The following MTUS2 variants were observed in gnomAD, a reference collection of about 807,000 sequenced individuals.
MTUS2 encodes microtubule associated scaffold protein 2, also known as microtubule-associated tumor suppressor candidate 2.
MTUS2 carries 40 observed loss-of-function variants against 114.1 expected under a neutral mutation model. The ratio of observed to expected loss-of-function variants is 0.35; its 90% CI spans 0.27 to 0.46. The LOEUF (loss-of-function observed/expected upper bound fraction) is 0.46, where lower values mean the gene tolerates loss of function less well. Ranked by LOEUF, MTUS2 falls within the 20% of genes least tolerant of loss-of-function variation. The probability of loss-of-function intolerance (pLI) is 1.00; values close to 1 mark genes in which losing one functional copy is unlikely to be tolerated. For synonymous variants in MTUS2, 688 were observed against 672.0 expected, an observed-to-expected ratio of 1.02 and a Z score of -0.37; for missense variants, 1,679 against 1,705.4, an observed-to-expected ratio of 0.98 and a Z score of 0.27.
intron 2 of MTUS2, among the ~76,000 whole-genome samples, chr13:28,911,420 C>T (rs1312925612): frequency 7.2e-5 from 11 of 151,796 alleles, no homozygotes; most frequent in African/African-American, 2.2e-4. Context: ...GTGATCCACC[C>T]GCCTCAGCCT....
chr13:29,416,194 G>A (rs138249635), intron 8 of MTUS2, among the ~76,000 whole-genome samples: 1 of 150,902 alleles, frequency 6.6e-6, no homozygotes, highest in East Asian at 2.0e-4. Context: ...CTCCTAAAGT[G>A]CTGTAATTAC....
chr13:29,480,144 G>A lies in MTUS2; in HGVS notation c.3185-6G>A, dbSNP rs925990917. On this transcript the variant is annotated splice_polypyrimidine_tract_variant and splice_region_variant and intron_variant, in intron 9 of 15. Transcript: ENST00000612955. This position sits in a 1 kb window ranked among gnomAD's most constrained non-coding sequence, Gnocchi z 4.4. ...TTTAAAGAAAGATCTTGTGCTTTGC[G>A]CCCAGCCTTCCATACAGCAAAGTGC... is the stretch of plus-strand genomic sequence containing the variant. The A allele has an allele frequency of 3.7e-5, 57 of 1,551,946 alleles. No individual in the cohort carries two copies. Among genetic ancestry groups the A allele is most frequent in the Non-Finnish European group, 4.6e-5 (53 of 1,147,182 alleles).
chr13:29,353,185 T>A, intron 7 of MTUS2, among the ~76,000 whole-genome samples: 1 of 152,028 alleles, frequency 6.6e-6, no homozygotes, highest in African/African-American at 2.4e-5. Context: ...TGCCATAGTA[T>A]TTTTTTTAGA....
intron 5 of MTUS2, among the ~76,000 whole-genome samples, chr13:29,272,294 C>T (rs1050615724): frequency 6.6e-6 from 1 of 151,946 alleles, no homozygotes; most frequent in Non-Finnish European, 1.5e-5. Flanking sequence ...AATTTGATTG[C>T]CTAGGATTGT....
intron 6 of MTUS2, among the ~76,000 whole-genome samples, chr13:29,319,308 G>A (rs947187112): frequency 1.1e-4 from 17 of 152,194 alleles, no homozygotes; most frequent in African/African-American, 3.6e-4. Context: ...TCATGGTGAC[G>A]TGAGGCACGA....
At chr13:29,499,845 G>C (rs1018011286) in intron 14 of MTUS2, among the ~76,000 whole-genome samples, 2 of 152,242 alleles carry the variant, frequency 1.3e-5, no homozygotes, top group African/African-American at 4.8e-5. Context: ...CTTGCTGCAC[G>C]GGTGCAGTTA....
At chr13:29,375,598 T>TA (rs1566163616) in intron 8 of MTUS2, among the ~76,000 whole-genome samples, 3 of 4,322 alleles carry the variant, frequency 6.9e-4, no homozygotes, top group Non-Finnish European at 2.0e-3. Context: ...CGTATATATA[T>TA]ATATATATAC....
At chr13:29,031,716 G>A (rs1235900130) in intron 3 of MTUS2, among the ~76,000 whole-genome samples, 2 of 151,840 alleles carry the variant, frequency 1.3e-5, no homozygotes, top group Non-Finnish European at 2.9e-5. Context: ...ATACTTTCAT[G>A]GCAGCATCTA....
chr13:29,326,329 C>A (rs9508356), intron 7 of MTUS2, among the ~76,000 whole-genome samples: 1 of 151,976 alleles, frequency 6.6e-6, no homozygotes, highest in Non-Finnish European at 1.5e-5. Flanking sequence ...GCTACTTAGT[C>A]GACTAAGATG....
At chr13:28,858,470 C>T (rs936759529) in intron 2 of MTUS2, among the ~76,000 whole-genome samples, 1 of 152,108 alleles carries the variant, frequency 6.6e-6, no homozygotes, top group Admixed American at 6.5e-5. Flanking sequence ...ATTCTTCATC[C>T]ACTACCTCCC....
intron 2 of MTUS2, among the ~76,000 whole-genome samples, chr13:28,972,112 AAG>A (rs1334008403): frequency 2.0e-5 from 3 of 152,242 alleles, no homozygotes; most frequent in East Asian, 3.8e-4. Flanking sequence ...ATTGAGGAGA[AAG>A]AAATATTTTG....
chr13:29,408,086 T>C (rs1485198527), intron 8 of MTUS2, among the ~76,000 whole-genome samples: 1 of 152,226 alleles, frequency 6.6e-6, no homozygotes, highest in Non-Finnish European at 1.5e-5. Flanking sequence ...AGTTTATTTG[T>C]GGATTATACA....
At chr13:28,922,689 A>G (rs868540475) in intron 2 of MTUS2, among the ~76,000 whole-genome samples, 8 of 152,304 alleles carry the variant, frequency 5.3e-5, no homozygotes, top group South Asian at 2.1e-4. Flanking sequence ...CCAGGCGGCC[A>G]CTGTCAAGAG....
intron 5 of MTUS2, among the ~76,000 whole-genome samples, chr13:29,199,837 T>A (rs1338509909): frequency 2.0e-5 from 3 of 152,200 alleles, no homozygotes; most frequent in African/African-American, 7.2e-5. Flanking sequence ...CTTTTATCTT[T>A]GGTAGGCTAT....
chr13:29,358,980 C>G (rs1451984175), intron 7 of MTUS2, among the ~76,000 whole-genome samples: 2 of 146,816 alleles, frequency 1.4e-5, no homozygotes, highest in Non-Finnish European at 3.0e-5. Context: ...AAGCTTCTCT[C>G]TCTCCAAGCA....
chr13:29,474,091 C>T (rs896027471), intron 9 of MTUS2, among the ~76,000 whole-genome samples: 2 of 152,192 alleles, frequency 1.3e-5, no homozygotes, highest in African/African-American at 2.4e-5. Flanking sequence ...AACAGAGAGC[C>T]ATTGGAAGAA....
intron 5 of MTUS2, among the ~76,000 whole-genome samples, chr13:29,221,409 G>T (rs1895903062): frequency 6.6e-6 from 1 of 152,066 alleles, no homozygotes; most frequent in Non-Finnish European, 1.5e-5. Flanking sequence ...GACTTTTTTT[G>T]TGCCAACTAA....
chr13:28,887,549 T>C (rs1878665636), intron 2 of MTUS2, among the ~76,000 whole-genome samples: 1 of 152,138 alleles, frequency 6.6e-6, no homozygotes, highest in Non-Finnish European at 1.5e-5. Context: ...GAAGGGAAAC[T>C]ACAGAGAACT....
intron 5 of MTUS2, among the ~76,000 whole-genome samples, chr13:29,117,982 G>T (rs1435923303): frequency 1.3e-5 from 2 of 152,200 alleles, no homozygotes; most frequent in African/African-American, 4.8e-5. Flanking sequence ...TCAAAGAGCT[G>T]CTGCTGTTTG....
Sources: allele counts gnomAD v4.1 joint callset (sites outside exome capture counted in the v4.1 genomes callset), GRCh38; gene constraint gnomAD v4.1.1; non-coding constraint Gnocchi (gnomAD v3.1); transcripts MANE v1.5; gene names NCBI Gene and HGNC (gene_info 2026-07-23, HGNC 2026-07-21).